EFHC1: variants seen among roughly 807,000 people sequenced by gnomAD.
EFHC1 encodes EF-hand domain-containing protein 1.
EFHC1 carries 53 observed loss-of-function variants against 69.9 expected under a neutral mutation model. The ratio of observed to expected loss-of-function variants is 0.76; its 90% CI spans 0.61 to 0.95. EFHC1 has a LOEUF of 0.95. EFHC1 is among the 40% of genes least tolerant of loss of function. The probability of loss-of-function intolerance (pLI) is 0.00; values close to 1 mark genes in which losing one functional copy is unlikely to be tolerated. For missense variants in EFHC1, 739 were observed against 798.7 expected, an observed-to-expected ratio of 0.93 and a Z score of 0.90; for synonymous variants, 256 against 278.4, an observed-to-expected ratio of 0.92 and a Z score of 0.80.
chr6:52,489,194 T>G (rs1195480825), intron 9 of EFHC1: 1 of 152,180 alleles, frequency 6.6e-6, no homozygotes, highest in South Asian at 2.1e-4. Context: ...AATGGTAGAT[T>G]GATAGTTTTC....
chr6:52,489,537 C>A (rs192694817), intron 9 of EFHC1: 1 of 153,786 alleles, frequency 6.5e-6, no homozygotes, highest in East Asian at 1.9e-4. Context: ...AAGGGTTAGA[C>A]CTCTCTCTTC....
At chr6:52,479,916 C>A in intron 9 of EFHC1, 129 bp downstream of exon 9, 1 of 1,413,762 alleles carries the variant, frequency 7.1e-7, no homozygotes, top group Non-Finnish European at 9.7e-7. Context: ...TAGATATAAA[C>A]AGAAGGTTCC....
At position 52,495,388 on chromosome 6, in the gene EFHC1, T is replaced by C. The variant is rs895866875; in HGVS notation, c.*3047T>C. 2.2e-6 allele frequency: 1 copy of C among 454,144 alleles called. No homozygotes were observed. Among genetic ancestry groups the C allele is most frequent in the Admixed American group, 2.3e-5 (1 of 42,578 alleles). 28.1% of individuals were successfully genotyped at this position (454,144 alleles called of 1,614,324 possible). ...CTTTCAAGAAGCTTGCACTTTCTGATATTTTCTCCATCACTCTTGCCTCCT... is the reference window on the plus strand; with the variant it reads ...CTTTCAAGAAGCTTGCACTTTCTGACATTTTCTCCATCACTCTTGCCTCCT... On this transcript the variant is annotated 3_prime_UTR_variant, in exon 11 of 11. Transcript: ENST00000371068.
intron 9 of EFHC1, chr6:52,481,750 A>C (rs2114026650): frequency 6.6e-6 from 1 of 152,372 alleles, no homozygotes; most frequent in Middle Eastern, 3.4e-3. Context: ...GGCTCAAGTG[A>C]TTCTGCCTCC....
chr6:52,487,284 C>T (rs1765806043), intron 9 of EFHC1: 1 of 151,900 alleles, frequency 6.6e-6, no homozygotes, highest in South Asian at 2.1e-4. Flanking sequence ...TCTTTATTAC[C>T]CCTCTTTTGA....
chr6:52,456,532 T>C (rs1765048110), intron 5 of EFHC1, among the ~76,000 whole-genome samples: 1 of 152,194 alleles, frequency 6.6e-6, no homozygotes, highest in Non-Finnish European at 1.5e-5. Flanking sequence ...AATATATAAT[T>C]ATCCTCTTCT....
At chr6:52,479,990 T>C in intron 9 of EFHC1, 1 of 821,432 alleles carries the variant, frequency 1.2e-6, no homozygotes, top group Admixed American at 2.5e-5. Flanking sequence ...GCAAATACAG[T>C]TGACCCTTGA....
At chr6:52,479,529 T>C (rs1765624610) in intron 8 of EFHC1, 111 bp from the exon 9 acceptor site, 7 of 1,501,362 alleles carry the variant, frequency 4.7e-6, no homozygotes, top group Non-Finnish European at 5.6e-6. Flanking sequence ...CTCATTAGTT[T>C]CTGTCATAAA....
intron 5 of EFHC1, among the ~76,000 whole-genome samples, chr6:52,459,940 A>T (rs1263866473): frequency 6.6e-6 from 1 of 152,096 alleles, no homozygotes; most frequent in Non-Finnish European, 1.5e-5. Flanking sequence ...TCCCAAAGTA[A>T]TCTGAGATTA....
At chr6:52,440,286 A>G (rs1764632071) in intron 3 of EFHC1, among the ~76,000 whole-genome samples, 1 of 152,088 alleles carries the variant, frequency 6.6e-6, no homozygotes, top group Admixed American at 6.6e-5. Flanking sequence ...CATTAACATT[A>G]AACTCACACC....
intron 2 of EFHC1, among the ~76,000 whole-genome samples, chr6:52,430,944 G>A (rs1764400320): frequency 1.3e-5 from 2 of 151,996 alleles, no homozygotes; most frequent in Admixed American, 6.6e-5. Context: ...TTATCTTTCA[G>A]GAATTTATCT....
Position 52,490,306 on chromosome 6 carries a change from T to G in EFHC1, c.1807T>G (p.Cys603Gly). 1.2e-6 allele frequency: 2 copies of G among 1,614,176 alleles called. No homozygotes were observed. Among genetic ancestry groups the G allele is most frequent in the Non-Finnish European group, 1.7e-6 (2 of 1,180,008 alleles). ...GGACAGAGACATGTTCTTTAAAATCTGTGAATCGCTTAACGTCCCAGTGGA... is the reference window on the plus strand; with the variant it reads ...GGACAGAGACATGTTCTTTAAAATCGGTGAATCGCTTAACGTCCCAGTGGA... ...YVDRDMFFKI[C>G]ESLNVPVDDS... Residue 603 changes from cysteine to glycine, a missense_variant, in exon 10 of 11, where the codon TGT becomes GGT. Transcript: ENST00000371068.
intron 7 of EFHC1, among the ~76,000 whole-genome samples, chr6:52,473,654 C>T (rs141675830): frequency 4.5e-4 from 68 of 152,052 alleles, no homozygotes; most frequent in Middle Eastern, 3.4e-3. Flanking sequence ...TGTTAGTGCA[C>T]GCCTGTAGTC....
intron 2 of EFHC1, among the ~76,000 whole-genome samples, chr6:52,426,190 C>T (rs719394): frequency 0.19 from 28,199 of 152,194 alleles, 3,073 homozygotes; most frequent in Admixed American, 0.33. Context: ...ACTGTCAAAT[C>T]ACTTACAATC....
chr6:52,469,098 C>A (rs547724761), intron 6 of EFHC1: 4 of 531,858 alleles, frequency 7.5e-6, no homozygotes, highest in Admixed American at 3.2e-5. Context: ...TCTCTGTAGC[C>A]CTGAGAGTTA....
intron 8 of EFHC1, 82 bp from the exon 9 acceptor site, chr6:52,479,558 T>C: frequency 6.3e-7 from 1 of 1,586,022 alleles, no homozygotes; most frequent in Non-Finnish European, 8.7e-7. Flanking sequence ...TGTGAATTTA[T>C]CATTGGAGGG....
At chr6:52,471,890 TAACTA>T in intron 7 of EFHC1, among the ~76,000 whole-genome samples, 1 of 150,660 alleles carries the variant, frequency 6.6e-6, no homozygotes, top group East Asian at 1.9e-4. Context: ...AATAAATAAA[TAACTA>T]AATAATAAAA....
chr6:52,426,810 C>T (rs1237819103), intron 2 of EFHC1, among the ~76,000 whole-genome samples: 1 of 152,226 alleles, frequency 6.6e-6, no homozygotes, highest in African/African-American at 2.4e-5. Context: ...CTCTCACTTT[C>T]ATTTCCTCTG....
intron 2 of EFHC1, 84 bp from the exon 3 acceptor site, chr6:52,438,220 T>C: frequency 7.5e-7 from 1 of 1,330,810 alleles, no homozygotes; most frequent in Non-Finnish European, 1.0e-6. Context: ...TGTGTGGTTC[T>C]GTTTTCAGGA....
Sources: gnomAD v4.1 joint callset for allele counts (sites outside exome capture counted in the v4.1 genomes callset) on GRCh38, gnomAD v4.1.1 for gene constraint, MANE v1.5 for transcripts, NCBI Gene and HGNC (gene_info 2026-07-23, HGNC 2026-07-21) for gene names.